LDLRAD4: variants seen among roughly 807,000 people sequenced by gnomAD.
LDLRAD4 encodes the protein low density lipoprotein receptor class A domain containing 4, also known as low-density lipoprotein receptor class A domain-containing protein 4.
In LDLRAD4, 5 loss-of-function variants were observed where a neutral mutation model predicts 17.0. That is an observed-to-expected ratio of 0.29 (90% CI 0.15 to 0.62). The LOEUF (loss-of-function observed/expected upper bound fraction) is 0.62. Ranked by LOEUF, LDLRAD4 falls within the 20% of genes least tolerant of loss-of-function variation. The pLI is 0.84. For missense variants in LDLRAD4, 340 were observed against 424.7 expected (o/e 0.80, Z 1.75); for synonymous variants, 168 against 171.8 (o/e 0.98, Z 0.17).
At chr18:13,467,360 A>G (rs1049367913) in intron 3 of LDLRAD4, among the ~76,000 whole-genome samples, 3 of 152,372 alleles carry the variant, frequency 2.0e-5, no homozygotes, top group East Asian at 1.9e-4. Context: ...GCCATGAACA[A>G]TCTGAAAAGG....
chr18:13,369,045 C>T (rs777885138), intron 1 of LDLRAD4, among the ~76,000 whole-genome samples: 28 of 152,174 alleles, frequency 1.8e-4, no homozygotes, highest in Non-Finnish European at 2.9e-4. Context: ...AGTCATTGTC[C>T]GTGTGTGTCA....
At chr18:13,459,634 C>G (rs1294118875) in intron 3 of LDLRAD4, among the ~76,000 whole-genome samples, 1 of 152,176 alleles carries the variant, frequency 6.6e-6, no homozygotes, top group African/African-American at 2.4e-5. Context: ...CTGCCCACCT[C>G]AGCCTCCCAA....
chr18:13,582,695 C>T (rs919152584), intron 3 of LDLRAD4, among the ~76,000 whole-genome samples: 5 of 152,196 alleles, frequency 3.3e-5, no homozygotes, highest in African/African-American at 1.2e-4. Context: ...CACTTCATCT[C>T]TGCACTTATT....
intron 3 of LDLRAD4, among the ~76,000 whole-genome samples, chr18:13,451,135 A>G (rs2091808693): frequency 6.6e-6 from 1 of 152,204 alleles, no homozygotes; most frequent in South Asian, 2.1e-4. Context: ...GGTCACAAAA[A>G]TAGTCTTTGG....
chr18:13,504,159 C>T (rs2567170), intron 3 of LDLRAD4, among the ~76,000 whole-genome samples: 97,352 of 152,044 alleles, frequency 0.64, 31,448 homozygotes, highest in East Asian at 0.73. Context: ...CCCCAGAGTC[C>T]GTTCGCTGAC....
intron 3 of LDLRAD4, among the ~76,000 whole-genome samples, chr18:13,573,678 A>G (rs922946527): frequency 6.6e-6 from 1 of 152,258 alleles, no homozygotes; most frequent in East Asian, 1.9e-4. Context: ...GCATAAGCCA[A>G]CAAGCATTGG....
intron 3 of LDLRAD4, among the ~76,000 whole-genome samples, chr18:13,532,621 A>G (rs1426564580): frequency 5.3e-5 from 8 of 152,198 alleles, no homozygotes; most frequent in Admixed American, 3.9e-4. Flanking sequence ...CTCAGTAACC[A>G]GTCTCGTCTC....
chr18:13,535,373 G>A (rs1319903454), intron 3 of LDLRAD4, among the ~76,000 whole-genome samples: 2 of 152,144 alleles, frequency 1.3e-5, no homozygotes, highest in Non-Finnish European at 2.9e-5. Flanking sequence ...TGGTGGTTGT[G>A]TAGTGCATCT....
At chr18:13,642,927 T>TC (rs2042714769) in intron 4 of LDLRAD4, among the ~76,000 whole-genome samples, 1 of 117,202 alleles carries the variant, frequency 8.5e-6, no homozygotes, top group African/African-American at 5.1e-5. Context: ...ATCTATTTTT[T>TC]GTTTTTTTTT....
chr18:13,490,927 C>G (rs1354358118), intron 3 of LDLRAD4, among the ~76,000 whole-genome samples: 1 of 152,172 alleles, frequency 6.6e-6, no homozygotes, highest in Non-Finnish European at 1.5e-5. Flanking sequence ...GCCTCTGTCT[C>G]TGGACGATAT....
chr18:13,465,207 G>A (rs1456366474), intron 3 of LDLRAD4: 3 of 152,160 alleles, frequency 2.0e-5, no homozygotes, highest in Admixed American at 2.0e-4. Flanking sequence ...TTTTATTTCT[G>A]TGCATCGGCT....
At chr18:13,609,551 GTGTGTGTT>G (rs1286796650) in intron 3 of LDLRAD4, among the ~76,000 whole-genome samples, 1 of 152,016 alleles carries the variant, frequency 6.6e-6, no homozygotes, top group Non-Finnish European at 1.5e-5. Context: ...GTGTGTGTGT[GTGTGTGTT>G]AGGTGTGGGC....
intron 3 of LDLRAD4, among the ~76,000 whole-genome samples, chr18:13,540,787 G>C (rs190576912): frequency 1.3e-5 from 2 of 152,208 alleles, no homozygotes; most frequent in African/African-American, 4.8e-5. Context: ...AATGCCCAGA[G>C]AATCAGTGTC....
At chr18:13,584,017 C>T (rs2094902419) in intron 3 of LDLRAD4, among the ~76,000 whole-genome samples, 1 of 152,114 alleles carries the variant, frequency 6.6e-6, no homozygotes, top group South Asian at 2.1e-4. Context: ...CGCCCTTAGC[C>T]CATCTCCCAC....
At chr18:13,226,897 C>T (rs1448200301) in intron 1 of LDLRAD4, among the ~76,000 whole-genome samples, 4 of 152,134 alleles carry the variant, frequency 2.6e-5, no homozygotes, top group Non-Finnish European at 5.9e-5. Context: ...TTAGGGGTAG[C>T]CTTGAACTTG....
At chr18:13,434,682 C>T (rs1170176640) in intron 2 of LDLRAD4, among the ~76,000 whole-genome samples, 1 of 152,206 alleles carries the variant, frequency 6.6e-6, no homozygotes, top group Non-Finnish European at 1.5e-5. Flanking sequence ...TCCAAAGTTT[C>T]CCAAATAGCC....
intron 3 of LDLRAD4, chr18:13,491,644 AAAAG>A (rs1218626915): frequency 6.6e-6 from 1 of 152,254 alleles, no homozygotes; most frequent in Non-Finnish European, 1.5e-5. Flanking sequence ...TTATAGCAAA[AAAAG>A]AAGCATTTGT....
chr18:13,368,345 G>A (rs1214294823), intron 1 of LDLRAD4, among the ~76,000 whole-genome samples: 1 of 152,172 alleles, frequency 6.6e-6, no homozygotes, highest in East Asian at 1.9e-4. Context: ...GGGCCTGGGT[G>A]TCTGAAGAGC....
At chr18:13,644,805 G>A in intron 5 of LDLRAD4, 1 of 312,678 alleles carries the variant, frequency 3.2e-6, no homozygotes, top group Non-Finnish European at 5.9e-6. Flanking sequence ...TTCCTAGTGT[G>A]TTCTGTTTCC....
Sources: allele counts gnomAD v4.1 joint callset (sites outside exome capture counted in the v4.1 genomes callset), GRCh38; gene constraint gnomAD v4.1.1; transcripts MANE v1.5; gene names NCBI Gene and HGNC (gene_info 2026-07-23, HGNC 2026-07-21).